ETFDH: variants seen among roughly 807,000 people sequenced by gnomAD.
ETFDH encodes the protein electron transfer flavoprotein-ubiquinone oxidoreductase, mitochondrial.
A neutral mutation model predicts 73.2 loss-of-function variants in ETFDH; 61 were observed. The ratio of observed to expected loss-of-function variants is 0.83; its 90% CI spans 0.68 to 1.03. ETFDH has a LOEUF of 1.03. ETFDH is among the 50% of genes least tolerant of loss of function. The pLI, the probability that ETFDH is intolerant of heterozygous loss-of-function variation, is 0.00. For missense variants in ETFDH, 685 were observed against 745.0 expected (o/e 0.92, Z 0.94); for synonymous variants, 243 against 253.3 (o/e 0.96, Z 0.39).
At chr4:158,677,589 A>C (rs373047370) in intron 1 of ETFDH, among the ~76,000 whole-genome samples, 6 of 152,380 alleles carry the variant, frequency 3.9e-5, no homozygotes, top group Middle Eastern at 3.4e-3. Flanking sequence ...ATTATGTCCA[A>C]GAAATATATT....
At chr4:158,697,725 A>G in intron 8 of ETFDH, 26 bp downstream of exon 8, 1 of 1,602,238 alleles carries the variant, frequency 6.2e-7, no homozygotes, top group Non-Finnish European at 8.6e-7. Context: ...ATTAGGGAAA[A>G]TTCTGCTGCT....
At position 158,708,752 on chromosome 4, in the gene ETFDH, C is replaced by A; in HGVS notation, c.*225C>A. 1 of 482,920 alleles carries A rather than the reference C, an allele frequency of 2.1e-6. No individual in the cohort carries two copies. The highest frequency in any genetic ancestry group is 3.7e-6 in the Non-Finnish European group (1 of 269,940). 29.9% of individuals were successfully genotyped at this position (482,920 alleles called of 1,614,324 possible). A position where few individuals can be genotyped will look rare whatever the true frequency, so the allele number is the denominator to read the frequency against. Reference sequence around the variant, plus strand: ...GCAGCATCTTCCTACCTCTTCAGTTCTTCAGAGATTCAGTACCAAGAGCAA... The same window carrying A: ...GCAGCATCTTCCTACCTCTTCAGTTATTCAGAGATTCAGTACCAAGAGCAA... On this transcript the variant is annotated 3_prime_UTR_variant, in exon 13 of 13. Transcript: ENST00000511912.
Position 158,703,404 on chromosome 4 carries a change from T to G in ETFDH, c.1117-19T>G. 6.4e-7 allele frequency: 1 copy of G among 1,568,922 alleles called. No individual in the cohort carries two copies. The highest frequency in any genetic ancestry group is 8.8e-7 in the Non-Finnish European group (1 of 1,139,046). The stretch of plus-strand genomic sequence containing the variant: ...TTAATATGAACTAACAAATGTATTC[T>G]GAATCTTTGTTTCCTCAGTCTATAC... On this transcript the variant is annotated intron_variant, in intron 9 of 12. Coordinates refer to ENST00000511912, the MANE Select transcript of ETFDH (RefSeq NM_004453.4).
chr4:158,675,088 A>G (rs1490202627), intron 1 of ETFDH, among the ~76,000 whole-genome samples: 1 of 152,246 alleles, frequency 6.6e-6, no homozygotes, highest in South Asian at 2.1e-4. Flanking sequence ...TACAATATAT[A>G]CTATTTAAAA....
intron 10 of ETFDH, among the ~76,000 whole-genome samples, chr4:158,705,267 T>C (rs73858523): frequency 0.014 from 2,079 of 152,318 alleles, 46 homozygotes; most frequent in African/African-American, 0.045. Flanking sequence ...CTGCAATCCT[T>C]GGTCTCTGCA....
At chr4:158,694,758 A>T (rs1326652038) in intron 6 of ETFDH, among the ~76,000 whole-genome samples, 1 of 152,112 alleles carries the variant, frequency 6.6e-6, no homozygotes, top group Admixed American at 6.5e-5. Flanking sequence ...GGCTTTTTGG[A>T]AAGTAATATG....
chr4:158,699,043 GAAAC>G lies in ETFDH; in HGVS notation c.1031_1034del (p.Lys344ThrfsTer40). 1 of 1,613,114 alleles carries G rather than the reference GAAAC, an allele frequency of 6.2e-7. No homozygotes were observed. The highest frequency in any genetic ancestry group is 8.5e-7 in the Non-Finnish European group (1 of 1,179,104). On this transcript the variant is annotated frameshift_variant, in exon 9 of 13. Coordinates refer to ENST00000511912, the MANE Select transcript of ETFDH (RefSeq NM_004453.4). LOFTEE classifies it high-confidence loss of function. ...GTCCATTTAGAGAGTTCCAAAGGTG[GAAAC>G]ACCATCCTAGCATTCGGCCAACCTT... is the stretch of plus-strand genomic sequence containing the variant.
In ETFDH at chr4:158,706,763, G is replaced by T. The variant is rs748346465; in HGVS notation, c.1603G>T (p.Ala535Ser). Residue 535 changes from alanine (A) to serine (S), a missense_variant, in exon 12 of 13, where the codon GCA (alanine) becomes TCA (serine). Transcript: ENST00000511912. Reference protein sequence around the residue: ...SGTNHEHDQPAHLTLRDDSIP... With the variant: ...SGTNHEHDQPSHLTLRDDSIP... The stretch of plus-strand genomic sequence containing the variant: ...TACTAATCATGAACATGACCAGCCG[G>T]CACACTTAACCTTAAGGGATGACAG... 8.1e-5 allele frequency: 130 copies of T among 1,613,514 alleles called. No homozygotes were observed. The highest frequency in any genetic ancestry group is 1.1e-4 in the Non-Finnish European group (126 of 1,179,648).
chr4:158,676,511 G>T (rs1773715617), intron 1 of ETFDH, among the ~76,000 whole-genome samples: 1 of 152,148 alleles, frequency 6.6e-6, no homozygotes, highest in Non-Finnish European at 1.5e-5. Context: ...AAGACAGTCT[G>T]GTCCCCAGGA....
chr4:158,704,025 G>A (rs1253304222), intron 10 of ETFDH, among the ~76,000 whole-genome samples: 2 of 152,194 alleles, frequency 1.3e-5, no homozygotes, highest in African/African-American at 2.4e-5. Context: ...CTTGAACCTG[G>A]GAGGTGGAGG....
Position 158,706,480 on chromosome 4 carries a change from A to G in ETFDH, c.1468+109A>G, listed in dbSNP as rs1774621584. The stretch of plus-strand genomic sequence containing the variant: ...TGTTTTCAACTTGGAGAAATTATAA[A>G]TTTAGTGTCTAAGAACAGTATATTA... On this transcript the variant is annotated intron_variant, in intron 11 of 12. Transcript: ENST00000511912. The G allele has an allele frequency of 5.3e-6, 6 of 1,126,018 alleles. No homozygotes were observed. In the Admixed American group the frequency reaches 1.1e-4, roughly 20 times the overall value. The allele number at this position is 1,126,018 out of a possible 1,614,324, so 69.8% of individuals were successfully genotyped here.
In ETFDH at chr4:158,695,552, G is replaced by T. The variant is rs1384574225; in HGVS notation, c.740G>T (p.Gly247Val). The change falls in exon 7 of 13, where the codon GGT becomes GTT. Residue 247 changes from glycine (G) to valine (V), a missense_variant. Transcript: ENST00000511912. ...LHAKVTIFAE[G>V]CHGHLAKQLY... is the part of the protein sequence containing the mutation. ...GCTAAAGTCACAATTTTTGCAGAAG[G>T]TTGCCATGGACATCTAGCCAAGCAA... is the stretch of plus-strand genomic sequence containing the variant. The T allele has an allele frequency of 6.2e-7, 1 of 1,612,946 alleles. No homozygotes were observed. Among genetic ancestry groups the T allele is most frequent in the Non-Finnish European group, 8.5e-7 (1 of 1,179,106 alleles).
chr4:158,703,766 G>A (rs1218363359), intron 10 of ETFDH, among the ~76,000 whole-genome samples, 175 bp downstream of exon 10: 1 of 152,174 alleles, frequency 6.6e-6, no homozygotes, highest in Non-Finnish European at 1.5e-5. Context: ...ATTTTTTACT[G>A]TAATGTTCTG....
chr4:158,688,889 GT>G (rs1157127428), intron 5 of ETFDH, among the ~76,000 whole-genome samples: 2 of 151,898 alleles, frequency 1.3e-5, no homozygotes, highest in East Asian at 1.9e-4. Context: ...AAAATATCTC[GT>G]TTTTTTGTTG....
chr4:158,700,508 T>G (rs142687294), intron 9 of ETFDH, among the ~76,000 whole-genome samples: 73 of 151,372 alleles, frequency 4.8e-4, no homozygotes, highest in African/African-American at 1.7e-3. Context: ...ATGTCAAACA[T>G]GTCAAATGAT....
chr4:158,684,829 G>A, intron 4 of ETFDH, 156 bp downstream of exon 4: 2 of 645,806 alleles, frequency 3.1e-6, no homozygotes, highest in South Asian at 1.9e-5. Context: ...TGGGAAAGCA[G>A]GACTAGAACT....
chr4:158,699,186 CATATA>C (rs1774394774), intron 9 of ETFDH, 56 bp downstream of exon 9: 2 of 1,399,412 alleles, frequency 1.4e-6, no homozygotes, highest in East Asian at 4.6e-5. Flanking sequence ...CAGAATTGAA[CATATA>C]ATGTAACAAA....
At position 158,709,019 on chromosome 4, in the gene ETFDH, T is replaced by TTGTGTTTG. The variant is rs1554033708; in HGVS notation, c.*497_*498insTTGTGTGT. ...GAAGTATGCCCATCCCTGAACAAGT[T>TTGTGTTTG]TGTGTGTGTGTGTGTGTGTGTGTGT... On this transcript the variant is annotated 3_prime_UTR_variant, in exon 13 of 13. Transcript: ENST00000511912. The TTGTGTTTG allele has an allele frequency of 2.0e-5, 3 of 150,336 alleles. No individual in the cohort carries two copies. The highest frequency in any genetic ancestry group is 7.9e-5 in the African/African-American group (3 of 37,778). 9.3% of individuals were successfully genotyped at this position (150,336 alleles called of 1,614,324 possible). A position where few individuals can be genotyped will look rare whatever the true frequency, so the allele number is the denominator to read the frequency against.
chr4:158,697,575 A>G lies in ETFDH; in HGVS notation c.848A>G (p.Glu283Gly), dbSNP rs1488645821. Residue 283 changes from glutamate (E) to glycine (G), a missense_variant, in exon 8 of 13, where the codon GAA becomes GGA. By Grantham distance (98) the Glu-to-Gly change is moderately conservative (BLOSUM62 -2). This residue lies in a region of ETFDH where 405 missense variants were observed against 399.3 expected (regional missense o/e 1.01). Transcript: ENST00000511912. ...TTTTTTTAGTTATGGGTTATTGATGAAAAGAACTGGAAACCTGGGAGAGTA... is the reference window on the plus strand; with the variant it reads ...TTTTTTTAGTTATGGGTTATTGATGGAAAGAACTGGAAACCTGGGAGAGTA... ...IGLKELWVIDEKNWKPGRVDH... is the reference protein window; with the variant it reads ...IGLKELWVIDGKNWKPGRVDH... 1.9e-6 allele frequency: 3 copies of G among 1,613,078 alleles called. No individual in the cohort carries two copies. The South Asian group carries it at 3.3e-5, about 18-fold the overall frequency.
Sources: allele counts gnomAD v4.1 joint callset (sites outside exome capture counted in the v4.1 genomes callset), GRCh38; gene constraint gnomAD v4.1.1; regional missense constraint gnomAD v4.1.1; transcripts MANE v1.5; gene names NCBI Gene and HGNC (gene_info 2026-07-23, HGNC 2026-07-21).